Variants in MTMR7 observed in about 807,000 individuals in gnomAD.
The protein encoded by MTMR7 is phosphatidylinositol-3-phosphate phosphatase MTMR7.
In MTMR7, 76 loss-of-function variants were observed where a neutral mutation model predicts 81.2. The observed-to-expected ratio is 0.94, with a 90% CI of 0.78 to 1.13. The LOEUF (loss-of-function observed/expected upper bound fraction) is 1.13. Ranked by LOEUF, MTMR7 falls within the 50% of genes most tolerant of loss-of-function variation. The probability of loss-of-function intolerance (pLI) is 0.00; values close to 1 mark genes in which losing one functional copy is unlikely to be tolerated. For synonymous variants in MTMR7, 372 were observed against 289.8 expected (o/e 1.28, Z -2.88); for missense variants, 1,044 against 820.0 (o/e 1.27, Z -3.34).
At chr8:17,348,053 G>C (rs1464805559) in intron 5 of MTMR7, among the ~76,000 whole-genome samples, 1 of 152,110 alleles carries the variant, frequency 6.6e-6, no homozygotes, top group East Asian at 1.9e-4. Flanking sequence ...ACCAGGCTAG[G>C]ACTGCGCACC....
At chr8:17,356,695 C>T (rs1301577942) in intron 4 of MTMR7, among the ~76,000 whole-genome samples, 1 of 146,094 alleles carries the variant, frequency 6.8e-6, no homozygotes, top group Non-Finnish European at 1.5e-5. Context: ...GCTTGGGCAA[C>T]AGAGTGAGGC....
intron 7 of MTMR7, among the ~76,000 whole-genome samples, chr8:17,318,552 G>A (rs774940884): frequency 1.8e-4 from 27 of 152,168 alleles, no homozygotes; most frequent in South Asian, 4.1e-4. Context: ...GTCTGGACTC[G>A]CTCTTCCTGT....
intron 4 of MTMR7, chr8:17,349,284 G>A (rs1034679624): frequency 5.6e-5 from 29 of 520,348 alleles, no homozygotes; most frequent in African/African-American, 9.5e-5. Flanking sequence ...CTGAAGGAAC[G>A]CAAGCTACCC....
At chr8:17,302,419 T>G (rs1817178140) in intron 12 of MTMR7, 139 bp from the exon 13 acceptor site, 5 of 874,138 alleles carry the variant, frequency 5.7e-6, no homozygotes, top group Non-Finnish European at 8.3e-6. Flanking sequence ...AAGCCACTAC[T>G]TAAGGTAATA....
At chr8:17,373,355 C>A in intron 1 of MTMR7, 115 bp from the exon 2 acceptor site, 3 of 1,306,554 alleles carry the variant, frequency 2.3e-6, no homozygotes, top group Non-Finnish European at 3.1e-6. Context: ...TTGAGAATTC[C>A]CCCAATAATA....
chr8:17,329,837 T>A (rs117899762), intron 7 of MTMR7, among the ~76,000 whole-genome samples: 2,071 of 152,228 alleles, frequency 0.014, 27 homozygotes, highest in Non-Finnish European at 0.022. Context: ...CAGGGTATGA[T>A]CACTGTGACC....
chr8:17,348,534 A>G (rs1396944220), intron 5 of MTMR7, among the ~76,000 whole-genome samples: 5 of 131,954 alleles, frequency 3.8e-5, no homozygotes, highest in African/African-American at 1.4e-4. Flanking sequence ...CAGGTGACAG[A>G]GTGAGACTCT....
chr8:17,341,628 C>T (rs1215568139), intron 5 of MTMR7, 131 bp from the exon 6 acceptor site: 74 of 1,131,286 alleles, frequency 6.5e-5, no homozygotes, highest in Non-Finnish European at 5.9e-5. Flanking sequence ...AAACGTGATA[C>T]AGCTTTCTGG....
chr8:17,349,196 T>C (rs1586230631), intron 4 of MTMR7, 115 bp from the exon 5 acceptor site: 24 of 1,273,170 alleles, frequency 1.9e-5, no homozygotes, highest in Non-Finnish European at 1.2e-5. Context: ...CCCTTAACCA[T>C]GTTACAGAGG....
At chr8:17,406,563 G>A (rs1242298223) in intron 1 of MTMR7, among the ~76,000 whole-genome samples, 1 of 152,182 alleles carries the variant, frequency 6.6e-6, no homozygotes, top group East Asian at 1.9e-4. Flanking sequence ...AGCCACTTTG[G>A]AAAACAATTT....
chr8:17,305,989 G>A (rs1330234600), intron 10 of MTMR7, 32 bp from the exon 11 acceptor site: 2 of 1,537,138 alleles, frequency 1.3e-6, no homozygotes, highest in Admixed American at 1.8e-5. Context: ...ACTTTTTAAG[G>A]CAGATTTATT....
chr8:17,337,727 C>T (rs1819290671), intron 6 of MTMR7, among the ~76,000 whole-genome samples: 1 of 152,172 alleles, frequency 6.6e-6, no homozygotes, highest in Admixed American at 6.5e-5. Flanking sequence ...GCAATCCTCC[C>T]ACCTCAGCCT....
chr8:17,331,053 C>T (rs894338262), intron 7 of MTMR7, 97 bp downstream of exon 7: 1 of 1,403,016 alleles, frequency 7.1e-7, no homozygotes, highest in African/African-American at 1.5e-5. Context: ...ATTATCACAC[C>T]TATGTAAAAA....
intron 1 of MTMR7, among the ~76,000 whole-genome samples, chr8:17,389,550 TGATGCCAAGCACA>T (rs1821042621): frequency 6.6e-6 from 1 of 152,218 alleles, no homozygotes; most frequent in Non-Finnish European, 1.5e-5. Flanking sequence ...CTTTGTAGCC[TGATGCCAAGCACA>T]GATGCTAAGT....
intron 7 of MTMR7, among the ~76,000 whole-genome samples, chr8:17,314,031 T>C (rs1247894907): frequency 6.6e-6 from 1 of 152,180 alleles, no homozygotes; most frequent in African/African-American, 2.4e-5. Context: ...GAAGAAAACC[T>C]AGGATCCCAG....
Position 17,299,856 on chromosome 8 carries a change from G to T in MTMR7, c.*6C>A, listed in dbSNP as rs762507906. 2.5e-6 allele frequency: 4 copies of T among 1,613,456 alleles called. No homozygotes were observed. Among genetic ancestry groups the T allele is most frequent in the Non-Finnish European group, 3.4e-6 (4 of 1,179,522 alleles). ...GTCCTTTACTTTGGAACTCCAAAGG[G>T]AAACTTCAGGCAGTGAGAAACACGG... On this transcript the variant is annotated 3_prime_UTR_variant, in exon 14 of 14. Transcript: ENST00000180173.
intron 5 of MTMR7, among the ~76,000 whole-genome samples, chr8:17,345,831 C>T (rs926960103): frequency 6.6e-6 from 1 of 152,160 alleles, no homozygotes; most frequent in African/African-American, 2.4e-5. Flanking sequence ...GTCATCTCAC[C>T]ACCAAAATCA....
chr8:17,313,300 T>A lies in MTMR7; in HGVS notation c.967A>T (p.Ile323Phe). 1 of 1,610,512 alleles carries A rather than the reference T, an allele frequency of 6.2e-7. No homozygotes were observed. Among genetic ancestry groups the A allele is most frequent in the Middle Eastern group, 1.7e-4 (1 of 6,042 alleles). ...IKAIMDAGIF[I>F]AKAVSEEGAS... is the part of the protein sequence containing the mutation. ...TCTCTGCAATTGCATACCTTTGCAA[T>A]GAAGATTCCTGCATCCATTATGGCT... The change falls in exon 8 of 14, where the codon ATT becomes TTT. Residue 323 changes from isoleucine to phenylalanine, a missense_variant. By Grantham distance (21) the Ile-to-Phe change is conservative. Coordinates refer to ENST00000180173, the MANE Select transcript of MTMR7 (RefSeq NM_004686.5).
At chr8:17,349,299 T>G in intron 4 of MTMR7, 1 of 481,020 alleles carries the variant, frequency 2.1e-6, no homozygotes, top group East Asian at 3.4e-5. Flanking sequence ...CTACCCTTAG[T>G]GTTCTGTCCC....
Sources: gnomAD v4.1 joint callset for allele counts (sites outside exome capture counted in the v4.1 genomes callset) on GRCh38, gnomAD v4.1.1 for gene constraint, MANE v1.5 for transcripts, NCBI Gene and HGNC (gene_info 2026-07-23, HGNC 2026-07-21) for gene names.